The following GNL3L variants were observed in gnomAD, a reference collection of about 807,000 sequenced individuals.
GNL3L encodes the protein G protein nucleolar 3 like, also known as guanine nucleotide-binding protein-like 3-like protein.
Under a neutral mutation model 42.9 loss-of-function variants are expected in GNL3L, and 4 were observed. The observed-to-expected ratio is 0.09, with a 90% CI of 0.05 to 0.21. The LOEUF (loss-of-function observed/expected upper bound fraction) is 0.21. GNL3L is among the 10% of genes least tolerant of loss of function. The pLI is 1.00. For synonymous variants in GNL3L, 159 were observed against 176.3 expected (o/e 0.90, Z 0.78); for missense variants, 412 against 481.7 (o/e 0.86, Z 1.36).
the GNL3L span, among the ~76,000 whole-genome samples, chrX:54,640,062 C>T: frequency 1.8e-5 from 2 of 110,488 alleles, no homozygotes; most frequent in African/African-American, 6.6e-5. Context: ...CTGCGTACGT[C>T]CACAAGTGGG....
At position 54,598,855 on chromosome X, in the gene GNL3L, A is replaced by G. The variant is rs765033234; in HGVS notation, c.*46-21990A>G. ...TATAAAAGGATTTTTAAAAACTCAG[A>G]ACATTGAATAACTATAGACTACTTC... On this transcript the variant is annotated intron_variant, in intron 16 of 16. Coordinates refer to the GNL3L transcript ENST00000674498. Among the ~76,000 whole-genome samples the G allele has an allele frequency of 2.9e-3, 319 of 111,780 alleles. 1 individual carries two copies. The highest frequency in any genetic ancestry group is 5.1e-3 in the Non-Finnish European group (270 of 53,113).
At chrX:54,532,037 A>C (rs1357229245) in intron 1 of GNL3L, among the ~76,000 whole-genome samples, 1 of 110,571 alleles carries the variant, frequency 9.0e-6, no homozygotes, top group Admixed American at 9.7e-5. Context: ...AGATCTATTT[A>C]CGCCCTTCCC....
chrX:54,587,482 A>G (rs1262502191), intron 16 of GNL3L, among the ~76,000 whole-genome samples: 1 of 110,709 alleles, frequency 9.0e-6, no homozygotes, highest in African/African-American at 3.3e-5. Flanking sequence ...CCTGTGTATT[A>G]ATTTGAGATA....
intron 16 of GNL3L, among the ~76,000 whole-genome samples, chrX:54,608,954 A>G (rs1221876309): frequency 2.7e-5 from 3 of 111,933 alleles, no homozygotes; most frequent in Non-Finnish European, 5.6e-5. Context: ...TGGCTGTACT[A>G]GTTTACATTC....
the GNL3L span, among the ~76,000 whole-genome samples, chrX:54,644,899 G>T: frequency 1.8e-5 from 2 of 111,819 alleles, no homozygotes; most frequent in South Asian, 7.4e-4. Context: ...CTATTGGAGA[G>T]TAAGGTATGG....
At chrX:54,603,124 A>C (rs1297481182) in intron 16 of GNL3L, among the ~76,000 whole-genome samples, 1 of 111,966 alleles carries the variant, frequency 8.9e-6, no homozygotes, top group East Asian at 2.8e-4. Flanking sequence ...ACTGTAAGCT[A>C]TGACAAAAGG....
intron 16 of GNL3L, among the ~76,000 whole-genome samples, chrX:54,573,003 G>A (rs1160316426): frequency 9.2e-6 from 1 of 108,920 alleles, no homozygotes; most frequent in Non-Finnish European, 1.9e-5. Context: ...CCGGGAAGAG[G>A]CGCTCCTCAC....
Position 54,565,724 on chromosome X carries a change from T to C in GNL3L, c.*5122T>C, listed in dbSNP as rs977653677. ...GAGCATATTTTATATGCTTATTTGC[T>C]ATCTACATATCTTCTTTGGCAAGGT... On this transcript the variant is annotated 3_prime_UTR_variant, in exon 16 of 16. Coordinates refer to ENST00000360845, the MANE Select transcript of GNL3L (RefSeq NM_001184819.2). Among the ~76,000 whole-genome samples, 1 of 111,211 alleles carries C rather than the reference T, an allele frequency of 9.0e-6. No individual in the cohort carries two copies. The highest frequency in any genetic ancestry group is 3.3e-5 in the African/African-American group (1 of 30,619).
intron 13 of GNL3L, among the ~76,000 whole-genome samples, chrX:54,553,481 T>C (rs1349143655): frequency 5.4e-5 from 6 of 111,871 alleles, no homozygotes; most frequent in Non-Finnish European, 1.1e-4. Context: ...ACTTGCCTGC[T>C]TTCTAGTTTG....
Position 54,558,718 on chromosome X carries a change from T to C in GNL3L, c.1666+63T>C, listed in dbSNP as rs1000179740. On this transcript the variant is annotated intron_variant, in intron 15 of 15. Coordinates refer to ENST00000360845, the MANE Select transcript of GNL3L (RefSeq NM_001184819.2). ...CCCACATGGGATCTTTTTTTGTTTT[T>C]TTTTTCTGGCTCACTGCAGTCTCCG... The C allele has an allele frequency of 4.7e-6, 4 of 849,486 alleles. No individual in the cohort carries two copies. The African/African-American group carries it at 6.2e-5, about 13-fold the overall frequency. The allele number at this position is 849,486 out of a possible 1,213,427, so 70.0% of individuals were successfully genotyped here. A position where few individuals can be genotyped will look rare whatever the true frequency, so the allele number is the denominator to read the frequency against.
intron 16 of GNL3L, among the ~76,000 whole-genome samples, chrX:54,619,823 G>A (rs1474887480): frequency 1.8e-5 from 2 of 111,674 alleles, no homozygotes; most frequent in African/African-American, 6.5e-5. Flanking sequence ...CATTAGCATT[G>A]CTAGAGGATG....
downstream of GNL3L, among the ~76,000 whole-genome samples, chrX:54,570,656 GT>G (rs201617844): frequency 5.6e-5 from 6 of 107,707 alleles, no homozygotes; most frequent in East Asian, 3.0e-4. Flanking sequence ...TTGGATTACT[GT>G]TTTTTTTAAT....
the GNL3L span, among the ~76,000 whole-genome samples, chrX:54,634,991 C>T: frequency 1.9e-5 from 2 of 107,841 alleles, no homozygotes; most frequent in East Asian, 2.9e-4. Context: ...AGGGTTTTGC[C>T]GTGTTGGCCA....
rs749363451 is a variant in GNL3L, at chrX:54,539,141, G to T, written c.81+40G>T. On this transcript the variant is annotated intron_variant, in intron 3 of 15. Transcript: ENST00000360845. The stretch of plus-strand genomic sequence containing the variant: ...TTGTTGAGGGTAAGGTCAAGAACAG[G>T]TTGCTTGTCCTGGGAGAGGCCCACT... 3.8e-6 allele frequency: 3 copies of T among 789,183 alleles called. No individual in the cohort carries two copies. The South Asian group carries it at 7.4e-5, about 19-fold the overall frequency. The allele number at this position is 789,183 out of a possible 1,213,427, so 65.0% of individuals were successfully genotyped here. A position where few individuals can be genotyped will look rare whatever the true frequency, so the allele number is the denominator to read the frequency against.
intron 16 of GNL3L, among the ~76,000 whole-genome samples, chrX:54,580,789 A>G (rs1031792441): frequency 1.8e-5 from 2 of 111,588 alleles, no homozygotes; most frequent in Non-Finnish European, 3.8e-5. Context: ...TTTTATTTTA[A>G]TTTTCTTTTG....
intron 5 of GNL3L, among the ~76,000 whole-genome samples, chrX:54,541,927 C>T (rs987266144): frequency 1.8e-5 from 2 of 110,465 alleles, no homozygotes; most frequent in African/African-American, 6.6e-5. Context: ...CTCCTCCATC[C>T]CTCCCTTTCA....
chrX:54,591,879 T>G (rs1328041225), intron 16 of GNL3L, among the ~76,000 whole-genome samples: 1 of 111,801 alleles, frequency 8.9e-6, no homozygotes, highest in Non-Finnish European at 1.9e-5. Context: ...TGATAGAGAT[T>G]GCATTGAATC....
At chrX:54,555,695 G>A (rs1447416382) in intron 14 of GNL3L, among the ~76,000 whole-genome samples, 9 of 86,940 alleles carry the variant, frequency 1.0e-4, no homozygotes, top group Non-Finnish European at 1.9e-4. Context: ...TGGCCAGGCT[G>A]GTCTTGAGCT....
Position 54,611,059 on chromosome X carries a change from C to T in GNL3L, c.*46-9786C>T, listed in dbSNP as rs1926156737. Among the ~76,000 whole-genome samples the T allele has an allele frequency of 2.7e-5, 3 of 110,906 alleles. No homozygotes were observed. In the South Asian group the frequency reaches 1.1e-3, roughly 42 times the overall value. ...GGTCTGTTCAGGGTATCTAATTCTT[C>T]CTGATTTAAGCTAGGAGGGTTGTAT... On this transcript the variant is annotated intron_variant, in intron 16 of 16. Transcript: ENST00000674498.
Sources: allele counts gnomAD v4.1 joint callset (sites outside exome capture counted in the v4.1 genomes callset), GRCh38; gene constraint gnomAD v4.1.1; transcripts MANE v1.5; gene names NCBI Gene and HGNC (gene_info 2026-07-23, HGNC 2026-07-21).